EPHA5: variants seen among roughly 807,000 people sequenced by gnomAD.
EPHA5 encodes the protein EPH receptor A5.
A neutral mutation model predicts 105.0 loss-of-function variants in EPHA5; 60 were observed. The ratio of observed to expected loss-of-function variants is 0.57; its 90% confidence interval spans 0.46 to 0.71. The LOEUF (loss-of-function observed/expected upper bound fraction) is 0.71. Among genes scored for constraint, EPHA5 ranks in the 30% least tolerant of loss-of-function variants. The pLI, the probability that EPHA5 is intolerant of heterozygous loss-of-function variation, is 0.00. For missense variants in EPHA5, 1,218 were observed against 1,274.7 expected (o/e 0.96, Z 0.68); for synonymous variants, 513 against 449.1 (o/e 1.14, Z -1.80).
In EPHA5 at chr4:65,637,702, C is replaced by A. The variant is rs568643114; in HGVS notation, c.246+5661G>T. 1.5e-4 allele frequency among the ~76,000 whole-genome samples: 23 copies of A among 151,158 alleles called. No individual in the cohort carries two copies. In the East Asian group the frequency reaches 4.5e-3, roughly 29 times the overall value. On this transcript the variant is annotated intron_variant, in intron 2 of 16. Coordinates refer to ENST00000613740, the MANE Select transcript of EPHA5 (RefSeq NM_001281766.3). ...GGAAAGGATATTTACTGACTGCCAACACTGTGTCAAGTTCTTTGCTAGGTT... is the reference window on the plus strand; with the variant it reads ...GGAAAGGATATTTACTGACTGCCAAAACTGTGTCAAGTTCTTTGCTAGGTT...
intron 5 of EPHA5, among the ~76,000 whole-genome samples, chr4:65,452,581 C>CA (rs34579426): frequency 0.087 from 12,184 of 139,846 alleles, 950 homozygotes; most frequent in African/African-American, 0.22. Context: ...GCTAAAATAC[C>CA]AAAAAAAAAA....
intron 2 of EPHA5, among the ~76,000 whole-genome samples, chr4:65,607,069 T>G (rs1189509511): frequency 1.3e-5 from 2 of 152,184 alleles, no homozygotes; most frequent in African/African-American, 4.8e-5. Context: ...TTTTTATATA[T>G]CATTTATTGT....
In EPHA5 at chr4:65,420,549, G is replaced by A. The variant is rs2149037364; in HGVS notation, c.1419C>T (p.Thr473=). 6.2e-7 allele frequency: 1 copy of A among 1,612,506 alleles called. No individual in the cohort carries two copies. Among genetic ancestry groups the A allele is most frequent in the Non-Finnish European group, 8.5e-7 (1 of 1,179,320 alleles). The change falls in exon 6 of 17, where the codon ACC becomes ACT. Residue 473 remains threonine, a synonymous_variant. Transcript: ENST00000613740. Reference sequence around the variant, plus strand: ...TTGCAATTTTCCCTTTTTTCACATTGGTGACTGGAGATGGAGCTGCAAAAT... The same window carrying A: ...TTGCAATTTTCCCTTTTTTCACATTAGTGACTGGAGATGGAGCTGCAAAAT... The part of the protein sequence containing the change: ...TTNQAAPSPV[T]NVKKGKIAKN...
At chr4:65,539,613 T>C (rs1167653335) in intron 3 of EPHA5, among the ~76,000 whole-genome samples, 1 of 151,576 alleles carries the variant, frequency 6.6e-6, no homozygotes, top group Non-Finnish European at 1.5e-5. Context: ...GAGATATTGC[T>C]CCCTCACTCA....
chr4:65,350,983 C>T (rs1489390141), intron 13 of EPHA5, among the ~76,000 whole-genome samples: 2 of 151,190 alleles, frequency 1.3e-5, no homozygotes, highest in African/African-American at 4.9e-5. Flanking sequence ...TAATATTATA[C>T]ATGTTTACTT....
At chr4:65,404,070 T>C (rs559060618) in intron 8 of EPHA5, among the ~76,000 whole-genome samples, 1 of 152,148 alleles carries the variant, frequency 6.6e-6, no homozygotes, top group Non-Finnish European at 1.5e-5. Context: ...TTTTGAGAGA[T>C]AAAAAATTTT....
At chr4:65,527,434 CA>C (rs1735343269) in intron 3 of EPHA5, among the ~76,000 whole-genome samples, 1 of 151,900 alleles carries the variant, frequency 6.6e-6, no homozygotes, top group Non-Finnish European at 1.5e-5. Flanking sequence ...ACACACAGAG[CA>C]AATACATGGA....
intron 1 of EPHA5, among the ~76,000 whole-genome samples, chr4:65,644,522 C>T (rs2149517055): frequency 6.6e-6 from 1 of 152,018 alleles, no homozygotes; most frequent in South Asian, 2.1e-4. Flanking sequence ...TGAAATGCTA[C>T]CATTTCTAAA....
chr4:65,518,958 C>T (rs940834306), intron 3 of EPHA5, among the ~76,000 whole-genome samples: 8 of 152,064 alleles, frequency 5.3e-5, no homozygotes, highest in Non-Finnish European at 1.2e-4. Flanking sequence ...CTCCCTAACT[C>T]ATTTTATGAG....
intron 3 of EPHA5, among the ~76,000 whole-genome samples, chr4:65,561,940 C>T (rs1433035573): frequency 6.6e-6 from 1 of 152,072 alleles, no homozygotes; most frequent in African/African-American, 2.4e-5. Flanking sequence ...ATATTATACA[C>T]TGAGACATTT....
Position 65,575,741 on chromosome 4 carries a change from G to A in EPHA5, c.910+25900C>T, listed in dbSNP as rs964733844. On this transcript the variant is annotated intron_variant, in intron 3 of 16. Transcript: ENST00000613740. ...AAAACCAGCATTTTGGGAGGCCAAGGCAGGTGAATGGCCTGACATCAGGAC... is the reference window on the plus strand; with the variant it reads ...AAAACCAGCATTTTGGGAGGCCAAGACAGGTGAATGGCCTGACATCAGGAC... Among the ~76,000 whole-genome samples, 9 of 151,964 alleles carry A rather than the reference G, an allele frequency of 5.9e-5. 1 individual carries two copies. Among genetic ancestry groups the A allele is most frequent in the Admixed American group, 5.9e-4 (9 of 15,224 alleles).
intron 5 of EPHA5, among the ~76,000 whole-genome samples, chr4:65,471,885 C>A (rs556465106): frequency 5.9e-5 from 9 of 152,234 alleles, no homozygotes; most frequent in Admixed American, 2.6e-4. Flanking sequence ...TCCCTGGCCC[C>A]TCCCAAATCT....
chr4:65,370,975 A>G (rs1054848584), intron 8 of EPHA5, among the ~76,000 whole-genome samples: 7 of 152,144 alleles, frequency 4.6e-5, no homozygotes, highest in Non-Finnish European at 1.0e-4. Flanking sequence ...CTGTTCATTC[A>G]GTATCATGTT....
intron 13 of EPHA5, among the ~76,000 whole-genome samples, chr4:65,349,696 T>A (rs2148849457): frequency 6.6e-6 from 1 of 152,278 alleles, no homozygotes; most frequent in Non-Finnish European, 1.5e-5. Context: ...TTTGAATTAT[T>A]TGCTCTTTAG....
intron 5 of EPHA5, among the ~76,000 whole-genome samples, chr4:65,469,732 A>G (rs1189297146): frequency 6.6e-6 from 1 of 152,230 alleles, no homozygotes; most frequent in Non-Finnish European, 1.5e-5. Flanking sequence ...TATAAAATTT[A>G]GGACAATTTG....
intron 2 of EPHA5, among the ~76,000 whole-genome samples, chr4:65,618,902 C>G (rs1354806082): frequency 1.3e-5 from 2 of 152,178 alleles, no homozygotes; most frequent in Non-Finnish European, 2.9e-5. Context: ...CGCCTGTAAT[C>G]CCAGCACTTT....
At chr4:65,398,087 C>T (rs79409868) in intron 8 of EPHA5, among the ~76,000 whole-genome samples, 1 of 152,162 alleles carries the variant, frequency 6.6e-6, no homozygotes, top group Non-Finnish European at 1.5e-5. Flanking sequence ...GCTGCAGACA[C>T]CCAGCCACAG....
At chr4:65,487,609 G>A (rs914597385) in intron 5 of EPHA5, among the ~76,000 whole-genome samples, 1 of 152,056 alleles carries the variant, frequency 6.6e-6, no homozygotes, top group Non-Finnish European at 1.5e-5. Flanking sequence ...CACTTAAACT[G>A]GCTCATTTGG....
chr4:65,393,275 G>A lies in EPHA5; in HGVS notation c.1793+11099C>T, dbSNP rs1720899062. Among the ~76,000 whole-genome samples, 3 of 152,094 alleles carry A rather than the reference G, an allele frequency of 2.0e-5. No homozygotes were observed. The South Asian group carries it at 6.2e-4, about 31-fold the overall frequency. On this transcript the variant is annotated intron_variant, in intron 8 of 16. Transcript: ENST00000613740. ...TTCAGTTGTGAGTTCCTATGGTGTT[G>A]GTCACAAAGTGTAACTTCTCTATCC... is the stretch of plus-strand genomic sequence containing the variant.
Sources: gnomAD v4.1 joint callset for allele counts (sites outside exome capture counted in the v4.1 genomes callset) on GRCh38, gnomAD v4.1.1 for gene constraint, MANE v1.5 for transcripts, NCBI Gene and HGNC (gene_info 2026-07-23, HGNC 2026-07-21) for gene names.